Variants in PRKG1 observed in about 807,000 individuals in gnomAD.
PRKG1 encodes protein kinase cGMP-dependent 1, also known as cGMP-dependent protein kinase 1.
In PRKG1, 35 loss-of-function variants were observed where a neutral mutation model predicts 88.1. The ratio of observed to expected loss-of-function variants is 0.40; its 90% confidence interval spans 0.30 to 0.53. PRKG1 has a LOEUF of 0.53. PRKG1 is among the 20% of genes least tolerant of loss of function. The pLI is 0.59. For synonymous variants in PRKG1, 303 were observed against 292.5 expected (o/e 1.04, Z -0.37); for missense variants, 540 against 839.8 (o/e 0.64, Z 4.41).
At chr10:51,650,349 C>A (rs190472263) in intron 3 of PRKG1, among the ~76,000 whole-genome samples, 1 of 152,226 alleles carries the variant, frequency 6.6e-6, no homozygotes, top group African/African-American at 2.4e-5. Context: ...CAATTGTGTA[C>A]TCCTTGATAA....
chr10:51,265,418 T>C (rs1428208193), intron 2 of PRKG1, among the ~76,000 whole-genome samples: 4 of 152,342 alleles, frequency 2.6e-5, no homozygotes, highest in Admixed American at 6.5e-5. Context: ...GACATACTGA[T>C]GCTAAAAAAA....
chr10:51,929,945 A>G (rs559383997), intron 5 of PRKG1, among the ~76,000 whole-genome samples: 1 of 152,292 alleles, frequency 6.6e-6, no homozygotes, highest in African/African-American at 2.4e-5. Flanking sequence ...TGGCTTCCAC[A>G]TAGAAGCGTT....
chr10:51,119,053 A>AG (rs2131911631), intron 1 of PRKG1, among the ~76,000 whole-genome samples: 1 of 152,232 alleles, frequency 6.6e-6, no homozygotes, highest in Admixed American at 6.5e-5. Context: ...CCTTAGAATA[A>AG]TTCTTCATTT....
chr10:51,330,006 T>G (rs1362187446), intron 2 of PRKG1, among the ~76,000 whole-genome samples: 1 of 150,972 alleles, frequency 6.6e-6, no homozygotes, highest in East Asian at 1.9e-4. Context: ...ATTCTCCAGA[T>G]TGAGAAAGTT....
intron 2 of PRKG1, among the ~76,000 whole-genome samples, chr10:51,440,283 A>C (rs1395701493): frequency 6.6e-6 from 1 of 151,912 alleles, no homozygotes; most frequent in African/African-American, 2.4e-5. Context: ...CAAACTTACA[A>C]TGGCTTGACT....
intron 3 of PRKG1, among the ~76,000 whole-genome samples, chr10:51,531,985 C>G (rs1207740861): frequency 6.6e-6 from 1 of 152,126 alleles, no homozygotes; most frequent in East Asian, 1.9e-4. Flanking sequence ...CACTCGATTT[C>G]TGCTAGTCCC....
intron 3 of PRKG1, among the ~76,000 whole-genome samples, chr10:51,606,736 A>G (rs1041988897): frequency 3.9e-5 from 6 of 152,162 alleles, no homozygotes; most frequent in Non-Finnish European, 5.9e-5. Context: ...GTCTTCTATC[A>G]TCATTTCTTA....
intron 3 of PRKG1, among the ~76,000 whole-genome samples, chr10:51,741,068 G>A (rs1234741224): frequency 1.3e-5 from 2 of 151,896 alleles, no homozygotes; most frequent in African/African-American, 2.4e-5. Flanking sequence ...TTTCTGAATC[G>A]AGGTGATTTC....
chr10:51,858,537 G>T (rs1169620928), intron 4 of PRKG1, among the ~76,000 whole-genome samples: 2 of 141,720 alleles, frequency 1.4e-5, no homozygotes, highest in Non-Finnish European at 3.0e-5. Context: ...TAGCCATTCA[G>T]GCATGAACAT....
intron 5 of PRKG1, among the ~76,000 whole-genome samples, chr10:51,981,024 A>G (rs1843994391): frequency 6.6e-6 from 1 of 152,172 alleles, no homozygotes; most frequent in African/African-American, 2.4e-5. Flanking sequence ...TTCTGTCATC[A>G]TGATGTTAGG....
chr10:51,946,273 T>C (rs1221653647), intron 5 of PRKG1, among the ~76,000 whole-genome samples: 1 of 152,118 alleles, frequency 6.6e-6, no homozygotes, highest in African/African-American at 2.4e-5. Flanking sequence ...CCTTCTGCAT[T>C]CTTCCCATAG....
chr10:51,950,651 G>T (rs534603388), intron 5 of PRKG1, among the ~76,000 whole-genome samples: 1 of 152,228 alleles, frequency 6.6e-6, no homozygotes, highest in African/African-American at 2.4e-5. Context: ...AGCCCCAGAG[G>T]GGGTATTAGT....
At chr10:51,845,838 T>G (rs939368864) in intron 4 of PRKG1, among the ~76,000 whole-genome samples, 2 of 152,192 alleles carry the variant, frequency 1.3e-5, no homozygotes, top group African/African-American at 4.8e-5. Flanking sequence ...TTATAGTTGA[T>G]GAACTATTCC....
intron 7 of PRKG1, among the ~76,000 whole-genome samples, chr10:52,085,119 A>G (rs1475517197): frequency 6.6e-6 from 1 of 152,050 alleles, no homozygotes; most frequent in East Asian, 1.9e-4. Context: ...ATTAATTTAG[A>G]TCTTTCAGCT....
At chr10:51,920,629 A>C (rs1842444628) in intron 5 of PRKG1, among the ~76,000 whole-genome samples, 1 of 152,060 alleles carries the variant, frequency 6.6e-6, no homozygotes, top group African/African-American at 2.4e-5. Flanking sequence ...CCTGGGTTTG[A>C]ATATTGGCAG....
rs560265197 is a variant in PRKG1, at chr10:51,907,660, C to T, written c.762+90C>T. ...CAGCTGTGTGATGAGGAATCACAAA[C>T]TGCAGAGATCTTTAAAAAATTTCTA... On this transcript the variant is annotated intron_variant, in intron 5 of 17. Transcript: ENST00000373980. 10 of 1,146,924 alleles carry T rather than the reference C, an allele frequency of 8.7e-6. No individual in the cohort carries two copies. The South Asian group carries it at 1.1e-4, about 13-fold the overall frequency. The allele number at this position is 1,146,924 out of a possible 1,614,324, so 71.0% of individuals were successfully genotyped here.
chr10:51,330,102 CTCTTT>C (rs1328467838), intron 2 of PRKG1, among the ~76,000 whole-genome samples: 13 of 129,742 alleles, frequency 1.0e-4, no homozygotes, highest in Admixed American at 3.1e-4. Context: ...TGTACATTTG[CTCTTT>C]TATTTATTTA....
chr10:51,597,678 G>A (rs924149614), intron 3 of PRKG1, among the ~76,000 whole-genome samples: 1 of 152,118 alleles, frequency 6.6e-6, no homozygotes, highest in Non-Finnish European at 1.5e-5. Context: ...TCAGGGTCCT[G>A]TGGCAAGAAA....
intron 2 of PRKG1, among the ~76,000 whole-genome samples, chr10:51,218,525 A>G (rs1397401508): frequency 3.6e-5 from 4 of 110,496 alleles, no homozygotes; most frequent in Non-Finnish European, 7.2e-5. Context: ...ATATATATAT[A>G]TATATAAAAT....
Sources: gnomAD v4.1 joint callset for allele counts (sites outside exome capture counted in the v4.1 genomes callset) on GRCh38, gnomAD v4.1.1 for gene constraint, MANE v1.5 for transcripts, NCBI Gene and HGNC (gene_info 2026-07-23, HGNC 2026-07-21) for gene names.